Variants in KPNA4 observed in about 807,000 individuals in gnomAD.
The protein encoded by KPNA4 is karyopherin subunit alpha 4, also known as importin subunit alpha-3.
In KPNA4, 13 loss-of-function variants were observed where a neutral mutation model predicts 71.3. The observed-to-expected ratio is 0.18, with a 90% CI of 0.12 to 0.29. KPNA4 has a LOEUF of 0.29. KPNA4 is among the 10% of genes least tolerant of loss of function. The pLI, the probability that KPNA4 is intolerant of heterozygous loss-of-function variation, is 1.00. For synonymous variants in KPNA4, 189 were observed against 195.2 expected (o/e 0.97, Z 0.26); for missense variants, 334 against 603.2 (o/e 0.55, Z 4.67).
chr3:160,517,571 T>C (rs570608678), intron 11 of KPNA4, among the ~76,000 whole-genome samples: 1 of 152,086 alleles, frequency 6.6e-6, no homozygotes, highest in Non-Finnish European at 1.5e-5. Flanking sequence ...TACCATTTTA[T>C]ATTCTCACCA....
In KPNA4 at chr3:160,497,284, G is replaced by A. The variant is rs62272781; in HGVS notation, c.*4820C>T. The A allele has an allele frequency of 0.052, 7,933 of 152,118 alleles. 257 individuals carry two copies. Among genetic ancestry groups the A allele is most frequent in the Middle Eastern group, 0.081 (24 of 296 alleles). 9.4% of individuals were successfully genotyped at this position (152,118 alleles called of 1,614,324 possible). ...ACAAAAATTAGCCAGGCGTGGTAGC[G>A]TACTCCTGTAATCCCAGCTACTCAG... On this transcript the variant is annotated 3_prime_UTR_variant, in exon 17 of 17. Coordinates refer to ENST00000334256, the MANE Select transcript of KPNA4 (RefSeq NM_002268.5).
At position 160,565,350 on chromosome 3, in the gene KPNA4, G is replaced by T; in HGVS notation, c.-68C>A. ...TCCGCCCCAACCAACGCGCCGCACCGACACTCCCAGGAACCGGGCCGCCGC... is the reference window on the plus strand; with the variant it reads ...TCCGCCCCAACCAACGCGCCGCACCTACACTCCCAGGAACCGGGCCGCCGC... On this transcript the variant is annotated 5_prime_UTR_variant, in exon 1 of 17. Coordinates refer to ENST00000334256, the MANE Select transcript of KPNA4 (RefSeq NM_002268.5). 1.5e-6 allele frequency: 2 copies of T among 1,320,792 alleles called. No individual in the cohort carries two copies. Among genetic ancestry groups the T allele is most frequent in the Non-Finnish European group, 2.1e-6 (2 of 941,506 alleles). 81.8% of individuals were successfully genotyped at this position (1,320,792 alleles called of 1,614,324 possible). A position where few individuals can be genotyped will look rare whatever the true frequency, so the allele number is the denominator to read the frequency against.
At chr3:160,560,582 A>C (rs1208617358) in intron 1 of KPNA4, among the ~76,000 whole-genome samples, 1 of 151,592 alleles carries the variant, frequency 6.6e-6, no homozygotes, top group Non-Finnish European at 1.5e-5. Context: ...CAATGTTTAA[A>C]AACTACCTTT....
intron 13 of KPNA4, among the ~76,000 whole-genome samples, 183 bp downstream of exon 13, chr3:160,513,893 CA>C (rs1339078212): frequency 1.3e-5 from 2 of 151,950 alleles, no homozygotes; most frequent in African/African-American, 4.8e-5. Flanking sequence ...CCCCACCCCC[CA>C]AAAAGTTTCT....
At chr3:160,508,084 A>G (rs1433767935) in intron 15 of KPNA4, 23 bp downstream of exon 15, 4 of 1,567,560 alleles carry the variant, frequency 2.6e-6, no homozygotes, top group Admixed American at 3.7e-5. Context: ...AAGATGTGGA[A>G]TAAGAGCTTA....
intron 15 of KPNA4, among the ~76,000 whole-genome samples, chr3:160,505,399 T>G (rs1021730605): frequency 3.5e-4 from 53 of 152,176 alleles, no homozygotes; most frequent in African/African-American, 1.3e-3. Context: ...CTTCCTACTT[T>G]CCAGCACCTG....
chr3:160,557,972 G>C (rs557884644), intron 1 of KPNA4, among the ~76,000 whole-genome samples: 1 of 152,308 alleles, frequency 6.6e-6, no homozygotes, highest in African/African-American at 2.4e-5. Context: ...ATGAGCCACT[G>C]TGCCTGGGAA....
chr3:160,553,736 G>GA (rs547532584), intron 1 of KPNA4, among the ~76,000 whole-genome samples: 24 of 152,184 alleles, frequency 1.6e-4, no homozygotes, highest in Non-Finnish European at 3.1e-4. Context: ...GGCAAATAAC[G>GA]AAAGAGATGC....
chr3:160,551,760 C>CTTAATT (rs201482108), intron 1 of KPNA4, among the ~76,000 whole-genome samples: 1,730 of 152,266 alleles, frequency 0.011, 15 homozygotes, highest in Non-Finnish European at 0.018. Context: ...AAGAACTTTT[C>CTTAATT]AGTGCCTCTT....
At chr3:160,505,861 A>C (rs142987416) in intron 15 of KPNA4, among the ~76,000 whole-genome samples, 1 of 152,322 alleles carries the variant, frequency 6.6e-6, no homozygotes, top group East Asian at 1.9e-4. Flanking sequence ...CACATGCATA[A>C]AACTAAAATG....
At chr3:160,561,209 T>C (rs1722238820) in intron 1 of KPNA4, among the ~76,000 whole-genome samples, 1 of 152,108 alleles carries the variant, frequency 6.6e-6, no homozygotes, top group Non-Finnish European at 1.5e-5. Flanking sequence ...TTTTATGCTC[T>C]ATTTGAACCT....
chr3:160,495,332 GCAAA>G lies in KPNA4; in HGVS notation c.*6768_*6771del, dbSNP rs1720734390. Reference sequence around the variant, plus strand: ...AAAGTGCGGTTGAGAAAGCCAGGATGCAAACAAACATTTCCTATCTGCTGTGTAT... The same window carrying G: ...AAAGTGCGGTTGAGAAAGCCAGGATGCAAACATTTCCTATCTGCTGTGTAT... On this transcript the variant is annotated 3_prime_UTR_variant, in exon 17 of 17. Transcript: ENST00000334256. 6.6e-6 allele frequency: 1 copy of G among 152,170 alleles called. No homozygotes were observed. The highest frequency in any genetic ancestry group is 1.5e-5 in the Non-Finnish European group (1 of 68,022). 9.4% of individuals were successfully genotyped at this position (152,170 alleles called of 1,614,324 possible). A position where few individuals can be genotyped will look rare whatever the true frequency, so the allele number is the denominator to read the frequency against.
At chr3:160,558,739 ATAATAC>A (rs1722189424) in intron 1 of KPNA4, among the ~76,000 whole-genome samples, 1 of 152,070 alleles carries the variant, frequency 6.6e-6, no homozygotes, top group African/African-American at 2.4e-5. Context: ...TTTCCTAATG[ATAATAC>A]TAATACTTTT....
chr3:160,513,858 T>G (rs1721150626), intron 13 of KPNA4, among the ~76,000 whole-genome samples: 1 of 152,182 alleles, frequency 6.6e-6, no homozygotes, highest in Non-Finnish European at 1.5e-5. Context: ...AAAAGAATGA[T>G]ACACAGAAAG....
intron 11 of KPNA4, among the ~76,000 whole-genome samples, chr3:160,517,505 G>A (rs1214718217): frequency 6.6e-6 from 1 of 151,934 alleles, no homozygotes; most frequent in Non-Finnish European, 1.5e-5. Flanking sequence ...AGTTCATATT[G>A]TAACCTTATG....
At chr3:160,528,121 CA>C (rs1007334540) in intron 7 of KPNA4, 82 bp from the exon 8 acceptor site, 266 of 926,696 alleles carry the variant, frequency 2.9e-4, no homozygotes, top group South Asian at 4.6e-4. Flanking sequence ...GCTGAGACCT[CA>C]AAAAAAAGGG....
rs116147576 is a variant in KPNA4 at position 160,549,097 on chromosome 3, T to C, written c.70-12257A>G. On this transcript the variant is annotated intron_variant, in intron 1 of 16. Transcript: ENST00000334256. ...TTTGTTTATCCTCCTTAGAGAAATATCTTTTCAAGCCTTTTGCGCATTTTA... is the reference window on the plus strand; with the variant it reads ...TTTGTTTATCCTCCTTAGAGAAATACCTTTTCAAGCCTTTTGCGCATTTTA... Among the ~76,000 whole-genome samples, 836 of 152,370 alleles carry C rather than the reference T, an allele frequency of 5.5e-3. 7 individuals carry two copies. Among genetic ancestry groups the C allele is most frequent in the African/African-American group, 0.019 (809 of 41,592 alleles).
In KPNA4 at chr3:160,495,713, T is replaced by C. The variant is rs1720744389; in HGVS notation, c.*6391A>G. The C allele has an allele frequency of 6.7e-6, 1 of 149,386 alleles. No individual in the cohort carries two copies. The highest frequency in any genetic ancestry group is 1.5e-5 in the Non-Finnish European group (1 of 67,436). 9.3% of individuals were successfully genotyped at this position (149,386 alleles called of 1,614,324 possible). On this transcript the variant is annotated 3_prime_UTR_variant, in exon 17 of 17. Transcript: ENST00000334256. ...TGTACTGCATTGGGGGCTTACTAGATGTGTGGCGGAATATACCCATTTATG... is the reference window on the plus strand; with the variant it reads ...TGTACTGCATTGGGGGCTTACTAGACGTGTGGCGGAATATACCCATTTATG...
chr3:160,512,723 T>C (rs1484179925), intron 13 of KPNA4, among the ~76,000 whole-genome samples: 1 of 152,042 alleles, frequency 6.6e-6, no homozygotes, highest in East Asian at 1.9e-4. Context: ...TCCCAGCTAC[T>C]TGGGAGGCTG....
Sources: gnomAD v4.1 joint callset for allele counts (sites outside exome capture counted in the v4.1 genomes callset) on GRCh38, gnomAD v4.1.1 for gene constraint, MANE v1.5 for transcripts, NCBI Gene and HGNC (gene_info 2026-07-23, HGNC 2026-07-21) for gene names.